The following B3GALT5 variants were observed in gnomAD, a reference collection of about 807,000 sequenced individuals.
The protein encoded by B3GALT5 is beta-1,3-galactosyltransferase 5.
For missense variants in B3GALT5, 328 were observed against 396.6 expected (o/e 0.83, Z 1.47); for synonymous variants, 156 against 158.6 (o/e 0.98, Z 0.12).
intron 1 of B3GALT5, among the ~76,000 whole-genome samples, chr21:39,645,275 C>G (rs1215676905): frequency 6.6e-6 from 1 of 152,144 alleles, no homozygotes; most frequent in Non-Finnish European, 1.5e-5. Flanking sequence ...TCAGAGACAA[C>G]TTTCTCAGCT....
intron 1 of B3GALT5, among the ~76,000 whole-genome samples, chr21:39,620,566 G>T (rs373686867): frequency 1.3e-5 from 2 of 152,306 alleles, no homozygotes; most frequent in South Asian, 2.1e-4. Context: ...CGCAAAGCAT[G>T]TGGCTTTCCC....
rs556290357 is a variant in B3GALT5, at chr21:39,666,332, T to A, written c.*4840T>A. ...TTGTTTGTTTGTTTTTGAGACAGAG[T>A]CTCACTCTGTCACCTAGGCTGAAGT... is the stretch of plus-strand genomic sequence containing the variant. On this transcript the variant is annotated 3_prime_UTR_variant, in exon 4 of 4. Coordinates refer to ENST00000684187, the MANE Select transcript of B3GALT5 (RefSeq NM_001356336.2). The A allele has an allele frequency of 3.3e-5, 5 of 152,496 alleles. No homozygotes were observed. Among genetic ancestry groups the A allele is most frequent in the African/African-American group, 7.2e-5 (3 of 41,560 alleles). The allele number at this position is 152,496 out of a possible 1,614,324, so 9.4% of individuals were successfully genotyped here. A position where few individuals can be genotyped will look rare whatever the true frequency, so the allele number is the denominator to read the frequency against.
chr21:39,644,613 G>A (rs1055160675), intron 1 of B3GALT5, among the ~76,000 whole-genome samples: 1 of 152,196 alleles, frequency 6.6e-6, no homozygotes, highest in Non-Finnish European at 1.5e-5. Context: ...CCTTCGAAAC[G>A]ATGGCGTGTA....
rs1485121244 is a variant in B3GALT5 at position 39,661,786 on chromosome 21, C to T, written c.*294C>T. On this transcript the variant is annotated 3_prime_UTR_variant, in exon 4 of 4. Transcript: ENST00000684187. The surrounding 1 kb of genome is among the most constrained non-coding windows in gnomAD (Gnocchi z 4.7). ...GATGGGTGTTACCATCCTAATTTTACAGGCAAGGACACAGCAGCTGCGAGA... is the reference window on the plus strand; with the variant it reads ...GATGGGTGTTACCATCCTAATTTTATAGGCAAGGACACAGCAGCTGCGAGA... The T allele has an allele frequency of 1.1e-5, 3 of 266,684 alleles. No individual in the cohort carries two copies. The highest frequency in any genetic ancestry group is 2.3e-5 in the Non-Finnish European group (3 of 132,338). 16.5% of individuals were successfully genotyped at this position (266,684 alleles called of 1,614,324 possible). A position where few individuals can be genotyped will look rare whatever the true frequency, so the allele number is the denominator to read the frequency against.
chr21:39,625,822 T>C (rs2079160800), intron 1 of B3GALT5, among the ~76,000 whole-genome samples: 1 of 152,228 alleles, frequency 6.6e-6, no homozygotes, highest in Non-Finnish European at 1.5e-5. Context: ...CTTCAAGCCC[T>C]TGATTTTTTT....
At chr21:39,657,930 G>C in intron 2 of B3GALT5, 2 of 1,230,652 alleles carry the variant, frequency 1.6e-6, no homozygotes, top group Non-Finnish European at 2.0e-6. Context: ...CCTGTTCATG[G>C]CTCTGTCCCA....
At chr21:39,647,909 A>C (rs2079356754) in intron 2 of B3GALT5, among the ~76,000 whole-genome samples, 1 of 152,180 alleles carries the variant, frequency 6.6e-6, no homozygotes, top group African/African-American at 2.4e-5. Flanking sequence ...GACAGTTAAA[A>C]AGCTTTTACA....
At chr21:39,653,579 G>A (rs1017138562) in intron 2 of B3GALT5, among the ~76,000 whole-genome samples, 5 of 152,348 alleles carry the variant, frequency 3.3e-5, no homozygotes, top group East Asian at 1.9e-4. Flanking sequence ...GGGTACACCC[G>A]CTAGGTGTTT....
chr21:39,631,062 T>C (rs1280109001), intron 1 of B3GALT5, among the ~76,000 whole-genome samples: 2 of 152,242 alleles, frequency 1.3e-5, no homozygotes, highest in Non-Finnish European at 2.9e-5. Flanking sequence ...CTTAGCAAAG[T>C]ACATAGAAGG....
Position 39,673,074 on chromosome 21 carries a change from G to C in B3GALT5, c.*11582G>C, listed in dbSNP as rs1451137752. On this transcript the variant is annotated 3_prime_UTR_variant, in exon 4 of 4. Transcript: ENST00000684187. The surrounding 1 kb of genome is among the most constrained non-coding windows in gnomAD (Gnocchi z 5.2). The stretch of plus-strand genomic sequence containing the variant: ...GTCTTTGATGATAAGTTGTCTTTGC[G>C]GTACAGATTGGCTCCTCGATCTTTC... 6.6e-6 allele frequency: 1 copy of C among 152,156 alleles called. No homozygotes were observed. Among genetic ancestry groups the C allele is most frequent in the Non-Finnish European group, 1.5e-5 (1 of 68,034 alleles). The allele number at this position is 152,156 out of a possible 1,614,324, so 9.4% of individuals were successfully genotyped here. A position where few individuals can be genotyped will look rare whatever the true frequency, so the allele number is the denominator to read the frequency against.
At chr21:39,634,224 T>G (rs1254536243) in intron 1 of B3GALT5, among the ~76,000 whole-genome samples, 1 of 152,160 alleles carries the variant, frequency 6.6e-6, no homozygotes, top group Non-Finnish European at 1.5e-5. Flanking sequence ...TACACTCAGT[T>G]CCTTCCCCAA....
Position 39,639,418 on chromosome 21 carries a change from TTC to T in B3GALT5, c.-391-6972_-391-6971del, listed in dbSNP as rs1477910349. Among the ~76,000 whole-genome samples, 274 of 111,054 alleles carry T rather than the reference TTC, an allele frequency of 2.5e-3. 2 individuals are homozygous for T. The highest frequency in any genetic ancestry group is 8.5e-3 in the Middle Eastern group (2 of 234). The allele number at this position is 111,054 out of a possible 152,430, so 72.9% of individuals were successfully genotyped here. A position where few individuals can be genotyped will look rare whatever the true frequency, so the allele number is the denominator to read the frequency against. The stretch of plus-strand genomic sequence containing the variant: ...TCTTTCTTTTTCTTTCTTTCTTTCT[TTC>T]TTTCTTTCTTTCTTTCTTTCTTTCT... On this transcript the variant is annotated intron_variant, in intron 1 of 3. Transcript: ENST00000684187.
rs765373919 is a variant in B3GALT5 at position 39,663,696 on chromosome 21, C to A, written c.*2204C>A. The A allele has an allele frequency of 2.0e-5, 3 of 152,150 alleles. No homozygotes were observed. The highest frequency in any genetic ancestry group is 2.9e-5 in the Non-Finnish European group (2 of 68,042). 9.4% of individuals were successfully genotyped at this position (152,150 alleles called of 1,614,324 possible). A position where few individuals can be genotyped will look rare whatever the true frequency, so the allele number is the denominator to read the frequency against. The stretch of plus-strand genomic sequence containing the variant: ...TTCATGAATCTAGAACTTGAAGGAA[C>A]CTTAGAGCTCATTCAATCCTGCCTC... On this transcript the variant is annotated 3_prime_UTR_variant, in exon 4 of 4. Coordinates refer to ENST00000684187, the MANE Select transcript of B3GALT5 (RefSeq NM_001356336.2).
intron 1 of B3GALT5, among the ~76,000 whole-genome samples, chr21:39,616,231 A>C (rs1286012455): frequency 1.3e-5 from 2 of 152,160 alleles, no homozygotes; most frequent in Non-Finnish European, 2.9e-5. Context: ...ACCATTCCTC[A>C]GTGTTCCTAT....
In B3GALT5 at chr21:39,661,354, C is replaced by CT. The variant is rs1250419021; in HGVS notation, c.801dup (p.Pro268SerfsTer57). The CT allele has an allele frequency of 6.2e-7, 1 of 1,611,012 alleles. No individual in the cohort carries two copies. The highest frequency in any genetic ancestry group is 2.2e-5 in the East Asian group (1 of 44,864). On this transcript the variant is annotated frameshift_variant, in exon 4 of 4. Transcript: ENST00000684187. LOFTEE classifies it low-confidence loss of function (END_TRUNC). This position sits in a 1 kb window ranked among gnomAD's most constrained non-coding sequence, Gnocchi z 4.7. ...TGGAGGAGCTCCACTCCCAGCCGAC[C>CT]TTTTTTCCAGGGGGCTTACGCTTCT...
chr21:39,657,803 C>A (rs954759183), intron 2 of B3GALT5: 32 of 1,177,112 alleles, frequency 2.7e-5, no homozygotes, highest in Non-Finnish European at 3.3e-5. Flanking sequence ...GACTAATACA[C>A]CTGGAGTGCA....
chr21:39,669,676 T>A lies in B3GALT5; in HGVS notation c.*8184T>A, dbSNP rs1250343015. On this transcript the variant is annotated 3_prime_UTR_variant, in exon 4 of 4. Transcript: ENST00000684187. ...AGCAGCCTCTGGAGGGCACCATTCT[T>A]ATAATTATGCCCCTGGATTTAAGAG... is the stretch of plus-strand genomic sequence containing the variant. 1 of 152,118 alleles carries A rather than the reference T, an allele frequency of 6.6e-6. No homozygotes were observed. Among genetic ancestry groups the A allele is most frequent in the Admixed American group, 6.5e-5 (1 of 15,280 alleles). The allele number at this position is 152,118 out of a possible 1,614,324, so 9.4% of individuals were successfully genotyped here. A position where few individuals can be genotyped will look rare whatever the true frequency, so the allele number is the denominator to read the frequency against.
intron 1 of B3GALT5, among the ~76,000 whole-genome samples, chr21:39,644,651 G>C (rs2079319908): frequency 6.6e-6 from 1 of 152,166 alleles, no homozygotes; most frequent in African/African-American, 2.4e-5. Context: ...GGAATGTCTT[G>C]TGTTCTTGTT....
Position 39,659,814 on chromosome 21 carries a change from G to A in B3GALT5, c.-99G>A. 2.0e-5 allele frequency: 20 copies of A among 984,932 alleles called. No individual in the cohort carries two copies. Among genetic ancestry groups the A allele is most frequent in the Non-Finnish European group, 2.3e-5 (19 of 829,802 alleles). The allele number at this position is 984,932 out of a possible 1,614,324, so 61.0% of individuals were successfully genotyped here. The stretch of plus-strand genomic sequence containing the variant: ...CCAAGCCCAGAACCTGATAATTATG[G>A]AGCATTCTACACTGACAGTTCTTTG... On this transcript the variant is annotated 5_prime_UTR_variant, in exon 3 of 4. Transcript: ENST00000684187.
Sources: gnomAD v4.1 joint callset for allele counts (sites outside exome capture counted in the v4.1 genomes callset) on GRCh38, gnomAD v4.1.1 for gene constraint, Gnocchi (gnomAD v3.1) non-coding constraint, MANE v1.5 for transcripts, NCBI Gene and HGNC (gene_info 2026-07-23, HGNC 2026-07-21) for gene names.